The following PIK3C2G variants were observed in gnomAD, a reference collection of about 807,000 sequenced individuals.
The protein encoded by PIK3C2G is phosphatidylinositol-4-phosphate 3-kinase catalytic subunit type 2 gamma, also known as phosphatidylinositol 3-kinase C2 domain-containing subunit gamma.
PIK3C2G carries 168 observed loss-of-function variants against 181.1 expected under a neutral mutation model. That is an observed-to-expected ratio of 0.93 (90% CI 0.82 to 1.05). The LOEUF is 1.05. PIK3C2G is among the 50% of genes least tolerant of loss of function. The pLI, the probability that PIK3C2G is intolerant of heterozygous loss-of-function variation, is 0.00. For missense variants in PIK3C2G, 1,869 were observed against 1,732.8 expected (o/e 1.08, Z -1.40); for synonymous variants, 573 against 592.2 (o/e 0.97, Z 0.47).
chr12:18,434,170 G>A (rs1266914762), intron 18 of PIK3C2G, among the ~76,000 whole-genome samples: 1 of 152,184 alleles, frequency 6.6e-6, no homozygotes, highest in Admixed American at 6.5e-5. Context: ...GGAAAGGACT[G>A]TTGTTCCTCA....
At chr12:18,576,332 G>A (rs7956584) in intron 29 of PIK3C2G, among the ~76,000 whole-genome samples, 9,805 of 152,194 alleles carry the variant, frequency 0.064, 636 homozygotes, top group African/African-American at 0.17. Context: ...CCATGCCCAG[G>A]AACATTGCCT....
chr12:18,299,272 A>C (rs775477442), intron 5 of PIK3C2G, among the ~76,000 whole-genome samples: 1 of 151,454 alleles, frequency 6.6e-6, no homozygotes, highest in African/African-American at 2.4e-5. Context: ...GGTTAAGTTT[A>C]CTCCTAGGGT....
intron 9 of PIK3C2G, among the ~76,000 whole-genome samples, chr12:18,343,116 A>C (rs1402305194): frequency 2.0e-5 from 3 of 152,094 alleles, no homozygotes; most frequent in African/African-American, 7.2e-5. Context: ...CATAACCTAC[A>C]TTGCTTATTA....
the PIK3C2G span, among the ~76,000 whole-genome samples, chr12:18,657,735 T>G: frequency 6.6e-6 from 1 of 152,130 alleles, no homozygotes; most frequent in Non-Finnish European, 1.5e-5. Flanking sequence ...TTTCTAGAGT[T>G]GCCACACTAT....
intron 29 of PIK3C2G, among the ~76,000 whole-genome samples, chr12:18,592,217 T>C (rs1947119029): frequency 6.6e-6 from 1 of 151,790 alleles, no homozygotes; most frequent in African/African-American, 2.4e-5. Flanking sequence ...AAGACCATAA[T>C]ATTACCCAGA....
intron 1 of PIK3C2G, among the ~76,000 whole-genome samples, chr12:18,251,932 A>G (rs1029220440): frequency 6.6e-6 from 1 of 152,138 alleles, no homozygotes; most frequent in Non-Finnish European, 1.5e-5. Context: ...CTCTGAATGC[A>G]ATAGACTCTA....
chr12:18,291,684 TC>T (rs1949696493), intron 4 of PIK3C2G, among the ~76,000 whole-genome samples: 1 of 152,140 alleles, frequency 6.6e-6, no homozygotes, highest in African/African-American at 2.4e-5. Flanking sequence ...TTTCTACATA[TC>T]AACAGGAAAC....
the PIK3C2G span, chr12:18,699,704 A>G: frequency 4.5e-6 from 6 of 1,327,012 alleles, no homozygotes; most frequent in Non-Finnish European, 5.4e-6. Context: ...GAGAATATAC[A>G]TTTTATAAAT....
chr12:18,483,363 A>G (rs1283680667), intron 18 of PIK3C2G, among the ~76,000 whole-genome samples: 3 of 152,196 alleles, frequency 2.0e-5, no homozygotes, highest in Admixed American at 2.0e-4. Context: ...TTGGCTAGAC[A>G]AAGCAACAGA....
chr12:18,725,458 A>G, the PIK3C2G span, among the ~76,000 whole-genome samples: 1 of 152,112 alleles, frequency 6.6e-6, no homozygotes, highest in Admixed American at 6.6e-5. Flanking sequence ...AACTAACTCT[A>G]AGACCACCCA....
At chr12:18,559,821 T>TATATAGAGAG (rs1945244509) in intron 26 of PIK3C2G, among the ~76,000 whole-genome samples, 6 of 18,370 alleles carry the variant, frequency 3.3e-4, no homozygotes, top group Non-Finnish European at 5.7e-4. Context: ...TATATATATA[T>TATATAGAGAG]AGAGAGAGAG....
At chr12:18,246,436 A>G (rs1245816531), upstream of PIK3C2G, among the ~76,000 whole-genome samples, 1 of 152,168 alleles carries the variant, frequency 6.6e-6, no homozygotes, top group African/African-American at 2.4e-5. Flanking sequence ...AGATTATAAT[A>G]TTGGTGGTGT....
intron 31 of PIK3C2G, among the ~76,000 whole-genome samples, chr12:18,633,730 C>T (rs1014451582): frequency 2.0e-5 from 3 of 152,124 alleles, no homozygotes; most frequent in Non-Finnish European, 4.4e-5. Context: ...TCCCTTTTTG[C>T]CTGGTGGTTC....
chr12:18,246,687 T>G (rs1039025266), upstream of PIK3C2G, among the ~76,000 whole-genome samples: 1 of 152,038 alleles, frequency 6.6e-6, no homozygotes, highest in Non-Finnish European at 1.5e-5. Context: ...GAAAAGTACT[T>G]TAAGAGATTA....
intron 14 of PIK3C2G, among the ~76,000 whole-genome samples, chr12:18,387,464 A>T (rs947192680): frequency 1.3e-5 from 2 of 152,110 alleles, no homozygotes; most frequent in Non-Finnish European, 2.9e-5. Context: ...TCTGACATGC[A>T]CTGTCTTGCT....
At chr12:18,404,807 A>G (rs552662197) in intron 16 of PIK3C2G, among the ~76,000 whole-genome samples, 93 of 152,296 alleles carry the variant, frequency 6.1e-4, no homozygotes, top group African/African-American at 2.1e-3. Flanking sequence ...TGTTAAGAAC[A>G]GGAGTCATAA....
the PIK3C2G span, among the ~76,000 whole-genome samples, chr12:18,679,332 C>T: frequency 6.6e-6 from 1 of 151,956 alleles, no homozygotes; most frequent in East Asian, 1.9e-4. Flanking sequence ...TTATTTTATG[C>T]CTCATGCATT....
At chr12:18,349,067 C>T (rs1939964472) in intron 11 of PIK3C2G, among the ~76,000 whole-genome samples, 1 of 152,140 alleles carries the variant, frequency 6.6e-6, no homozygotes, top group South Asian at 2.1e-4. Flanking sequence ...TTTCCCAGAG[C>T]AGATGATCCA....
chr12:18,563,583 T>G, intron 28 of PIK3C2G, 85 bp downstream of exon 28: 1 of 1,328,078 alleles, frequency 7.5e-7, no homozygotes, highest in South Asian at 1.3e-5. Context: ...GATTTTCTAT[T>G]TGTGAGAAAC....
Sources: gnomAD v4.1 joint callset for allele counts (sites outside exome capture counted in the v4.1 genomes callset) on GRCh38, gnomAD v4.1.1 for gene constraint, MANE v1.5 for transcripts, NCBI Gene and HGNC (gene_info 2026-07-23, HGNC 2026-07-21) for gene names.